The following SOBP variants were observed in gnomAD, a reference collection of about 807,000 sequenced individuals.
The protein encoded by SOBP is sine oculis binding protein homolog.
In SOBP, 4 loss-of-function variants were observed where a neutral mutation model predicts 53.6. That is an observed-to-expected ratio of 0.07 (90% CI 0.04 to 0.17). SOBP has a LOEUF of 0.17. Ranked by LOEUF, SOBP falls within the 10% of genes least tolerant of loss-of-function variation. The probability of loss-of-function intolerance (pLI) is 1.00; values close to 1 mark genes in which losing one functional copy is unlikely to be tolerated. For missense variants in SOBP, 1,088 were observed against 1,204.7 expected, an observed-to-expected ratio of 0.90 and a Z score of 1.43; for synonymous variants, 584 against 522.6, an observed-to-expected ratio of 1.12 and a Z score of -1.60.
chr6:107,551,972 G>A (rs1784471734), intron 4 of SOBP, among the ~76,000 whole-genome samples: 1 of 152,144 alleles, frequency 6.6e-6, no homozygotes. Context: ...AGTGAGCTGA[G>A]ATCGCACCAC....
chr6:107,627,106 T>C (rs1477593944), intron 5 of SOBP, among the ~76,000 whole-genome samples: 1 of 152,186 alleles, frequency 6.6e-6, no homozygotes, highest in Non-Finnish European at 1.5e-5. Context: ...ATGATTTGTA[T>C]TGTGAAGGTG....
chr6:107,564,626 T>C (rs1308458664), intron 4 of SOBP, among the ~76,000 whole-genome samples: 1 of 146,812 alleles, frequency 6.8e-6, no homozygotes, highest in Non-Finnish European at 1.5e-5. Flanking sequence ...TTACTGTCAC[T>C]AGAATATTTC....
chr6:107,583,356 A>G (rs1785463346), intron 4 of SOBP, among the ~76,000 whole-genome samples: 1 of 152,178 alleles, frequency 6.6e-6, no homozygotes, highest in Non-Finnish European at 1.5e-5. Context: ...GTTGAGTCTA[A>G]GAAGGACCAC....
At chr6:107,627,747 A>G (rs561611782) in intron 5 of SOBP, among the ~76,000 whole-genome samples, 1 of 152,238 alleles carries the variant, frequency 6.6e-6, no homozygotes, top group Non-Finnish European at 1.5e-5. Flanking sequence ...GAACTTCTTC[A>G]TGCATTTGTT....
chr6:107,577,548 G>C (rs373422813), intron 4 of SOBP, among the ~76,000 whole-genome samples: 1 of 152,204 alleles, frequency 6.6e-6, no homozygotes, highest in East Asian at 1.9e-4. Flanking sequence ...CGAATGCCAG[G>C]AATACAGGAG....
chr6:107,587,545 T>A (rs889087358), intron 5 of SOBP, among the ~76,000 whole-genome samples: 2 of 152,174 alleles, frequency 1.3e-5, no homozygotes, highest in Admixed American at 6.5e-5. Context: ...TTGTACACTA[T>A]TTTAGGAGAC....
intron 5 of SOBP, among the ~76,000 whole-genome samples, chr6:107,615,625 G>A (rs1004042513): frequency 3.9e-5 from 6 of 152,170 alleles, no homozygotes; most frequent in Non-Finnish European, 5.9e-5. Flanking sequence ...TTCAAAGGAT[G>A]GTGTGTTCCC....
chr6:107,578,017 T>C (rs1239988346), intron 4 of SOBP, among the ~76,000 whole-genome samples: 1 of 141,100 alleles, frequency 7.1e-6, no homozygotes, highest in Non-Finnish European at 1.5e-5. Flanking sequence ...AAGCTTGCAG[T>C]GAGCCGAGAT....
At chr6:107,593,394 G>A (rs1208505757) in intron 5 of SOBP, among the ~76,000 whole-genome samples, 1 of 152,194 alleles carries the variant, frequency 6.6e-6, no homozygotes, top group Non-Finnish European at 1.5e-5. Flanking sequence ...GCCTACAAAT[G>A]TCAGAGGTAT....
chr6:107,551,072 C>T (rs1156758937), intron 4 of SOBP, among the ~76,000 whole-genome samples: 1 of 152,160 alleles, frequency 6.6e-6, no homozygotes, highest in African/African-American at 2.4e-5. Context: ...CTGAACTGTG[C>T]AACCTTAAAG....
chr6:107,615,247 GA>G (rs1415195974), intron 5 of SOBP, among the ~76,000 whole-genome samples: 1 of 152,192 alleles, frequency 6.6e-6, no homozygotes, highest in Non-Finnish European at 1.5e-5. Flanking sequence ...AGGAAGGAAG[GA>G]ATTTATTTAG....
Position 107,654,457 on chromosome 6 carries a change from T to G in SOBP, c.*4-3750T>G, listed in dbSNP as rs566088673. 5.9e-5 allele frequency among the ~76,000 whole-genome samples: 9 copies of G among 152,296 alleles called. No individual in the cohort carries two copies. In the South Asian group the frequency reaches 1.5e-3, roughly 25 times the overall value. On this transcript the variant is annotated intron_variant, in intron 6 of 6. Coordinates refer to ENST00000317357, the MANE Select transcript of SOBP (RefSeq NM_018013.4). Reference sequence around the variant, plus strand: ...CTCTGCCATAGATGTGTGTGTATGTTTGTGTGTACTGAGAGAAGGAGACTT... The same window carrying G: ...CTCTGCCATAGATGTGTGTGTATGTGTGTGTGTACTGAGAGAAGGAGACTT...
intron 6 of SOBP, among the ~76,000 whole-genome samples, chr6:107,652,061 G>A (rs1335232976): frequency 6.6e-6 from 1 of 152,196 alleles, no homozygotes; most frequent in African/African-American, 2.4e-5. Flanking sequence ...TTTCATGCCT[G>A]CTAACACAAC....
rs1308041105 is a variant in SOBP, at chr6:107,658,696, C to T, written c.*493C>T. 1 of 152,564 alleles carries T rather than the reference C, an allele frequency of 6.6e-6. No homozygotes were observed. The highest frequency in any genetic ancestry group is 1.5e-5 in the Non-Finnish European group (1 of 68,020). The allele number at this position is 152,564 out of a possible 1,614,324, so 9.5% of individuals were successfully genotyped here. A position where few individuals can be genotyped will look rare whatever the true frequency, so the allele number is the denominator to read the frequency against. ...TACGGTTTTGGACCTATATTGTTCA[C>T]GTTTTGATGGCGGAGAGGGGTGGTC... On this transcript the variant is annotated 3_prime_UTR_variant, in exon 7 of 7. Coordinates refer to ENST00000317357, the MANE Select transcript of SOBP (RefSeq NM_018013.4).
rs770813121 is a variant in SOBP at position 107,635,060 on chromosome 6, A to AGCCGCCTCCCGAGCAGCCGCCGCCGCC, written c.2223_2249dup (p.Glu743_Pro751dup). The AGCCGCCTCCCGAGCAGCCGCCGCCGCC allele has an allele frequency of 6.5e-7, 1 of 1,528,954 alleles. No individual in the cohort carries two copies. Among genetic ancestry groups the AGCCGCCTCCCGAGCAGCCGCCGCCGCC allele is most frequent in the Non-Finnish European group, 8.8e-7 (1 of 1,138,132 alleles). The allele number at this position is 1,528,954 out of a possible 1,614,324, so 94.7% of individuals were successfully genotyped here. A position where few individuals can be genotyped will look rare whatever the true frequency, so the allele number is the denominator to read the frequency against. ...GCCGCCGAGGGCGCTAAGAGCGCGG[A>AGCCGCCTCCCGAGCAGCCGCCGCCGCC]GCCGCCTCCCGAGCAGCCGCCGCCG... On this transcript the variant is annotated inframe_insertion, in exon 6 of 7. Coordinates refer to ENST00000317357, the MANE Select transcript of SOBP (RefSeq NM_018013.4). This position sits in a 1 kb window ranked among gnomAD's most constrained non-coding sequence, Gnocchi z 4.5.
chr6:107,504,081 G>A (rs1461239776), intron 2 of SOBP, among the ~76,000 whole-genome samples: 1 of 152,214 alleles, frequency 6.6e-6, no homozygotes, highest in Non-Finnish European at 1.5e-5. Flanking sequence ...TTTAAAGAAA[G>A]GGACAATGTT....
rs193094722 is a variant in SOBP at position 107,497,513 on chromosome 6, A to T, written c.97-6144A>T. On this transcript the variant is annotated intron_variant, in intron 1 of 6. Coordinates refer to ENST00000317357, the MANE Select transcript of SOBP (RefSeq NM_018013.4). Reference sequence around the variant, plus strand: ...GTAGGCAATAAAAATAAGCAAAAAGAAAAACAAAGCCTGTAATTTTCCCAC... The same window carrying T: ...GTAGGCAATAAAAATAAGCAAAAAGTAAAACAAAGCCTGTAATTTTCCCAC... 7.3e-3 allele frequency among the ~76,000 whole-genome samples: 1,104 copies of T among 152,200 alleles called. 40 individuals are homozygous for T. The East Asian group carries it at 0.1, about 14-fold the overall frequency.
intron 4 of SOBP, among the ~76,000 whole-genome samples, chr6:107,550,076 T>C (rs1337157820): frequency 2.0e-5 from 3 of 152,024 alleles, no homozygotes; most frequent in African/African-American, 7.3e-5. Flanking sequence ...TGGTCTTGAG[T>C]CCTAAAGCTG....
In SOBP at chr6:107,605,712, C is replaced by G. The variant is rs1460950242; in HGVS notation, c.669+18537C>G. 2.0e-5 allele frequency among the ~76,000 whole-genome samples: 3 copies of G among 152,358 alleles called. No homozygotes were observed. The East Asian group carries it at 5.8e-4, about 29-fold the overall frequency. ...GGTTCAAAATTCACGAAATACAGCT[C>G]TCATGGCTGTGGCCCGTTCTTTCAT... On this transcript the variant is annotated intron_variant, in intron 5 of 6. Transcript: ENST00000317357.
Sources: gnomAD v4.1 joint callset for allele counts (sites outside exome capture counted in the v4.1 genomes callset) on GRCh38, gnomAD v4.1.1 for gene constraint, Gnocchi (gnomAD v3.1) non-coding constraint, MANE v1.5 for transcripts, NCBI Gene and HGNC (gene_info 2026-07-23, HGNC 2026-07-21) for gene names.